FRMPD2: variants seen among roughly 807,000 people sequenced by gnomAD.
FRMPD2 encodes the protein FERM and PDZ domain containing 2.
In FRMPD2, 96 loss-of-function variants were observed where a neutral mutation model predicts 140.1. The observed-to-expected ratio is 0.69, with a 90% confidence interval of 0.58 to 0.81. FRMPD2 has a LOEUF of 0.81. Ranked by LOEUF, FRMPD2 falls within the 40% of genes least tolerant of loss-of-function variation. FRMPD2 has a pLI of 0.00. For missense variants in FRMPD2, 1,240 were observed against 1,447.4 expected, an observed-to-expected ratio of 0.86 and a Z score of 2.32; for synonymous variants, 449 against 547.6, an observed-to-expected ratio of 0.82 and a Z score of 2.52.
chr10:48,267,985 A>G (rs1318834046), intron 1 of FRMPD2, among the ~76,000 whole-genome samples: 3 of 152,254 alleles, frequency 2.0e-5, no homozygotes, highest in Non-Finnish European at 2.9e-5. Context: ...GCCATGCTTA[A>G]TATGGAGTAC....
intron 10 of FRMPD2, among the ~76,000 whole-genome samples, chr10:48,225,475 G>A (rs1482721204): frequency 1.3e-5 from 2 of 152,178 alleles, no homozygotes; most frequent in Non-Finnish European, 2.9e-5. Context: ...ATGAACTGAT[G>A]TCAACTCCTG....
At chr10:48,196,631 G>A (rs370480997) in intron 15 of FRMPD2, among the ~76,000 whole-genome samples, 1 of 152,294 alleles carries the variant, frequency 6.6e-6, no homozygotes, top group African/African-American at 2.4e-5. Context: ...GATCAATTAC[G>A]GATGCCCTGA....
chr10:48,192,173 G>A (rs752642044), intron 16 of FRMPD2, among the ~76,000 whole-genome samples: 2 of 152,208 alleles, frequency 1.3e-5, no homozygotes, highest in African/African-American at 4.8e-5. Context: ...TGAGAGGTTG[G>A]CCCTAGAGTG....
In FRMPD2 at chr10:48,206,808, GT is replaced by G; in HGVS notation, c.1736del (p.Asn579ThrfsTer84). On this transcript the variant is annotated frameshift_variant, in exon 14 of 29. Transcript: ENST00000374201. LOFTEE classifies it high-confidence loss of function. ...ACCGTAACATTGCAATTCTGCTGTT[GT>G]TTTTCACTTCATAGACTATGACACC... ...AKGVIVYEVKNNSRIAMLRFQ... is the reference protein window; with the variant it reads ...AKGVIVYEVKXNSRIAMLRFQ... The G allele has an allele frequency of 6.2e-7, 1 of 1,614,104 alleles. No homozygotes were observed. The highest frequency in any genetic ancestry group is 8.5e-7 in the Non-Finnish European group (1 of 1,179,960).
chr10:48,159,011 A>C, intron 28 of FRMPD2: 2 of 349,168 alleles, frequency 5.7e-6, no homozygotes, highest in Non-Finnish European at 1.1e-5. Flanking sequence ...AATTCATAGA[A>C]GCAGATTGGG....
chr10:48,243,021 C>T (rs569762786), intron 4 of FRMPD2, among the ~76,000 whole-genome samples: 1 of 152,324 alleles, frequency 6.6e-6, no homozygotes, highest in East Asian at 1.9e-4. Context: ...CACTGCAGGT[C>T]ACTTTCCAGA....
chr10:48,204,055 A>G (rs544922474), intron 14 of FRMPD2, among the ~76,000 whole-genome samples: 1 of 152,314 alleles, frequency 6.6e-6, no homozygotes, highest in Admixed American at 6.5e-5. Context: ...TAACTCACCT[A>G]AAATCTCAGC....
In FRMPD2 at chr10:48,201,655, G is replaced by A. The variant is rs923299254; in HGVS notation, c.1798-271C>T. The A allele has an allele frequency of 1.4e-5, 4 of 284,076 alleles. No individual in the cohort carries two copies. In the Admixed American group the frequency reaches 1.5e-4, roughly 11 times the overall value. The allele number at this position is 284,076 out of a possible 1,614,324, so 17.6% of individuals were successfully genotyped here. ...GCTGGGTGAGAAGAATATGAAGTGG[G>A]TCAGGTATATTGACCTCAGCAAGGA... is the stretch of plus-strand genomic sequence containing the variant. On this transcript the variant is annotated intron_variant, in intron 14 of 28. Coordinates refer to ENST00000374201, the MANE Select transcript of FRMPD2 (RefSeq NM_001018071.4).
rs758599224 is a variant in FRMPD2, at chr10:48,212,000, A to C, written c.1565T>G (p.Leu522Arg). The C allele has an allele frequency of 6.2e-7, 1 of 1,614,044 alleles. No individual in the cohort carries two copies. Among genetic ancestry groups the C allele is most frequent in the Non-Finnish European group, 8.5e-7 (1 of 1,179,982 alleles). The change falls in exon 13 of 29, where the codon CTC becomes CGC. Residue 522 changes from leucine to arginine, a missense_variant. Transcript: ENST00000374201. ...ATCCTCTCCCCACAGTGCAGAGCTG[A>C]GCCGGTGCATCTCTGAGACTTCAAC... Reference protein sequence around the residue: ...VQVEVSEMHRLSSALWGEDAE... With the variant: ...VQVEVSEMHRRSSALWGEDAE...
intron 12 of FRMPD2, among the ~76,000 whole-genome samples, chr10:48,218,499 C>T (rs1839506422): frequency 6.6e-6 from 1 of 152,190 alleles, no homozygotes. Context: ...TCAGTCTATG[C>T]ACTTGGCAGT....
chr10:48,270,325 G>A lies in FRMPD2; in HGVS notation c.25+4218C>T, dbSNP rs111770497. ...CCTTACTTATGTGTGGCCAATTTGC[G>A]ACAGCTGATTTGTAAAGCAGTTTGG... On this transcript the variant is annotated intron_variant, in intron 1 of 28. Transcript: ENST00000374201. Among the ~76,000 whole-genome samples, 969 of 152,250 alleles carry A rather than the reference G, an allele frequency of 6.4e-3. 11 individuals carry two copies. The highest frequency in any genetic ancestry group is 0.022 in the African/African-American group (893 of 41,526).
At chr10:48,238,257 G>T in intron 7 of FRMPD2, 134 bp from the exon 8 acceptor site, 3 of 893,344 alleles carry the variant, frequency 3.4e-6, no homozygotes, top group Non-Finnish European at 5.0e-6. Flanking sequence ...CCCACCTATG[G>T]GGGAGTTATA....
chr10:48,184,012 CA>C (rs1838615715), intron 20 of FRMPD2, among the ~76,000 whole-genome samples: 1 of 151,868 alleles, frequency 6.6e-6, no homozygotes, highest in African/African-American at 2.4e-5. Flanking sequence ...AACTATTGGG[CA>C]CTATGCTGAG....
At chr10:48,185,740 G>A (rs897157114) in intron 17 of FRMPD2, 95 bp from the exon 18 acceptor site, 41 of 865,162 alleles carry the variant, frequency 4.7e-5, no homozygotes, top group South Asian at 2.3e-4. Flanking sequence ...ACACATGCGC[G>A]CACACACATT....
At chr10:48,208,748 G>C (rs1376304645) in intron 13 of FRMPD2, among the ~76,000 whole-genome samples, 2 of 152,134 alleles carry the variant, frequency 1.3e-5, no homozygotes, top group African/African-American at 4.8e-5. Context: ...CATTGCTATT[G>C]CTGGGTGTCC....
intron 13 of FRMPD2, among the ~76,000 whole-genome samples, chr10:48,211,152 G>A (rs1382212119): frequency 6.6e-6 from 1 of 152,270 alleles, no homozygotes; most frequent in Non-Finnish European, 1.5e-5. Context: ...GGGACAAAGA[G>A]CATGTGCTTT....
At position 48,274,614 on chromosome 10, in the gene FRMPD2, T is replaced by G; in HGVS notation, c.-47A>C. The G allele has an allele frequency of 6.2e-7, 1 of 1,600,372 alleles. No homozygotes were observed. The highest frequency in any genetic ancestry group is 8.6e-7 in the Non-Finnish European group (1 of 1,168,556). ...TCTAGGCCTTCATCATGGGACAACT[T>G]TCCAACAAGGAGCAGGGGTCTCTTG... On this transcript the variant is annotated 5_prime_UTR_variant, in exon 1 of 29. Transcript: ENST00000374201.
chr10:48,230,494 CA>C (rs1429255260), intron 10 of FRMPD2, among the ~76,000 whole-genome samples: 1 of 152,184 alleles, frequency 6.6e-6, no homozygotes, highest in Non-Finnish European at 1.5e-5. Flanking sequence ...TCTAGCAGAA[CA>C]AGCTTCAAAG....
intron 1 of FRMPD2, among the ~76,000 whole-genome samples, chr10:48,257,187 T>C (rs529621296): frequency 6.6e-6 from 1 of 152,010 alleles, no homozygotes; most frequent in African/African-American, 2.4e-5. Context: ...CCAGTCTTTT[T>C]TTTTTTTTCT....
Sources: gnomAD v4.1 joint callset for allele counts (sites outside exome capture counted in the v4.1 genomes callset) on GRCh38, gnomAD v4.1.1 for gene constraint, MANE v1.5 for transcripts, NCBI Gene and HGNC (gene_info 2026-07-23, HGNC 2026-07-21) for gene names.